The following PDE3A variants were observed in gnomAD, a reference collection of about 807,000 sequenced individuals.
PDE3A encodes phosphodiesterase 3A.
In PDE3A, 43 loss-of-function variants were observed where a neutral mutation model predicts 98.3. That is an observed-to-expected ratio of 0.44 (90% CI 0.34 to 0.56). The LOEUF is 0.56. Among genes scored for constraint, PDE3A ranks in the 20% least tolerant of loss-of-function variants. The probability of loss-of-function intolerance (pLI) is 0.01; values close to 1 mark genes in which losing one functional copy is unlikely to be tolerated. For missense variants in PDE3A, 1,427 were observed against 1,440.7 expected (o/e 0.99, Z 0.15); for synonymous variants, 663 against 567.9 (o/e 1.17, Z -2.38).
intron 1 of PDE3A, among the ~76,000 whole-genome samples, chr12:20,404,826 G>GTTTTTTTTTT (rs60736941): frequency 5.3e-5 from 5 of 95,104 alleles, no homozygotes; most frequent in Admixed American, 1.3e-4. Context: ...AGGTTACAGA[G>GTTTTTTTTTT]TTTTTTTTTT....
At chr12:20,379,299 C>T (rs971518685) in intron 1 of PDE3A, among the ~76,000 whole-genome samples, 2 of 151,750 alleles carry the variant, frequency 1.3e-5, no homozygotes, top group African/African-American at 4.8e-5. Flanking sequence ...AGATCCACTT[C>T]AGAAATGCTC....
intron 1 of PDE3A, among the ~76,000 whole-genome samples, chr12:20,539,771 C>T (rs938883170): frequency 1.5e-4 from 23 of 152,142 alleles, no homozygotes; most frequent in Non-Finnish European, 2.9e-5. Context: ...GCAAGATGAA[C>T]GGCATCCAAA....
chr12:20,466,803 TC>T (rs970324370), intron 1 of PDE3A, among the ~76,000 whole-genome samples: 2 of 152,196 alleles, frequency 1.3e-5, no homozygotes, highest in Admixed American at 6.5e-5. Context: ...TTTTCTTTCT[TC>T]TTAGCCATCA....
intron 1 of PDE3A, among the ~76,000 whole-genome samples, chr12:20,542,414 GT>G (rs1941938967): frequency 6.7e-6 from 1 of 150,208 alleles, no homozygotes; most frequent in African/African-American, 2.5e-5. Flanking sequence ...GAGTTAGATA[GT>G]TTTTGGTATA....
chr12:20,508,705 T>C (rs1946162590), intron 1 of PDE3A, among the ~76,000 whole-genome samples: 1 of 151,986 alleles, frequency 6.6e-6, no homozygotes, highest in South Asian at 2.1e-4. Context: ...TTGTACTACC[T>C]GGGATCGATT....
intron 2 of PDE3A, among the ~76,000 whole-genome samples, chr12:20,611,426 T>C (rs566972821): frequency 3.4e-4 from 51 of 151,232 alleles, no homozygotes; most frequent in African/African-American, 1.2e-3. Context: ...GTTTTTGTTT[T>C]TTTGTTTTTC....
intron 1 of PDE3A, among the ~76,000 whole-genome samples, chr12:20,547,387 A>G (rs182698053): frequency 1.3e-5 from 2 of 152,212 alleles, no homozygotes; most frequent in African/African-American, 4.8e-5. Flanking sequence ...TCAATGGCAT[A>G]CAGTTTGTGC....
chr12:20,396,212 T>C (rs1222015322), intron 1 of PDE3A, among the ~76,000 whole-genome samples: 1 of 152,226 alleles, frequency 6.6e-6, no homozygotes, highest in East Asian at 1.9e-4. Context: ...ATTCCTCTTC[T>C]AATTTATAAG....
At chr12:20,422,160 C>T (rs919474634) in intron 1 of PDE3A, among the ~76,000 whole-genome samples, 3 of 152,090 alleles carry the variant, frequency 2.0e-5, no homozygotes, top group Non-Finnish European at 2.9e-5. Context: ...TCCTGGCTAA[C>T]ACGGTGAAAC....
Position 20,377,986 on chromosome 12 carries a change from T to C in PDE3A, c.960+7742T>C, listed in dbSNP as rs960129590. On this transcript the variant is annotated intron_variant, in intron 1 of 15. Transcript: ENST00000359062. The stretch of plus-strand genomic sequence containing the variant: ...GCTTATGTTTGTAGGTCATTATCTT[T>C]GTAACTTAGGAAACTAAAAGTCACA... 1.4e-4 allele frequency among the ~76,000 whole-genome samples: 22 copies of C among 151,918 alleles called. 1 individual carries two copies. Among genetic ancestry groups the C allele is most frequent in the Middle Eastern group, 3.4e-3 (1 of 294 alleles).
intron 1 of PDE3A, among the ~76,000 whole-genome samples, chr12:20,477,151 A>C (rs74066450): frequency 1.3e-5 from 2 of 152,140 alleles, no homozygotes; most frequent in Non-Finnish European, 2.9e-5. Flanking sequence ...TTGCTAGAGT[A>C]CAAAAAAGGA....
rs543991669 is a variant in PDE3A, at chr12:20,368,858, C to T, written c.-427C>T. ...GGAATGGCCCGGAGCCCGCCCTGCG[C>T]CCCCGGCTCCTCCAGCGTCAGCGGC... On this transcript the variant is annotated 5_prime_UTR_variant, in exon 1 of 16. Transcript: ENST00000359062. 2.4e-3 allele frequency among the ~76,000 whole-genome samples: 371 copies of T among 152,090 alleles called. 2 individuals carry two copies. Among genetic ancestry groups the T allele is most frequent in the Non-Finnish European group, 4.1e-3 (281 of 67,988 alleles).
At chr12:20,454,594 T>A (rs1945122062) in intron 1 of PDE3A, among the ~76,000 whole-genome samples, 1 of 152,118 alleles carries the variant, frequency 6.6e-6, no homozygotes, top group African/African-American at 2.4e-5. Context: ...CTGGTACCCA[T>A]TATTTATTTT....
At chr12:20,371,570 C>G (rs897703583) in intron 1 of PDE3A, 1 of 439,090 alleles carries the variant, frequency 2.3e-6, no homozygotes, top group Non-Finnish European at 3.0e-6. Flanking sequence ...TAGTTGGTTT[C>G]TGAAATGGAG....
intron 5 of PDE3A, among the ~76,000 whole-genome samples, chr12:20,626,005 C>T (rs769660122): frequency 3.3e-5 from 5 of 151,958 alleles, no homozygotes; most frequent in Non-Finnish European, 5.9e-5. Context: ...GCATGTTTAT[C>T]GGAATCTCTT....
At chr12:20,435,514 T>A (rs1052945874) in intron 1 of PDE3A, among the ~76,000 whole-genome samples, 1 of 151,930 alleles carries the variant, frequency 6.6e-6, no homozygotes, top group Non-Finnish European at 1.5e-5. Context: ...TCAAAGAAAA[T>A]TTGTCTGGGA....
chr12:20,675,122 A>T (rs570114462), intron 15 of PDE3A, among the ~76,000 whole-genome samples: 2 of 151,404 alleles, frequency 1.3e-5, no homozygotes, highest in South Asian at 2.1e-4. Flanking sequence ...TTCCATTTTC[A>T]TTTGTTTCAA....
chr12:20,654,907 G>A (rs954839249), intron 15 of PDE3A, among the ~76,000 whole-genome samples: 2 of 152,106 alleles, frequency 1.3e-5, no homozygotes, highest in African/African-American at 4.8e-5. Flanking sequence ...GGAACTCCAT[G>A]TGAATAGATA....
At chr12:20,457,313 A>C (rs902288817) in intron 1 of PDE3A, among the ~76,000 whole-genome samples, 1 of 151,338 alleles carries the variant, frequency 6.6e-6, no homozygotes, top group Non-Finnish European at 1.5e-5. Context: ...TCTTAATATT[A>C]ACATTGCTAT....
Sources: allele counts gnomAD v4.1 joint callset (sites outside exome capture counted in the v4.1 genomes callset), GRCh38; gene constraint gnomAD v4.1.1; transcripts MANE v1.5; gene names NCBI Gene and HGNC (gene_info 2026-07-23, HGNC 2026-07-21).